LDLRAD4: variants seen among roughly 807,000 people sequenced by gnomAD.
LDLRAD4 encodes the protein low density lipoprotein receptor class A domain containing 4.
A neutral mutation model predicts 17.0 loss-of-function variants in LDLRAD4; 5 were observed. The observed-to-expected ratio is 0.29, with a 90% CI of 0.15 to 0.62. The LOEUF is 0.62. Among genes scored for constraint, LDLRAD4 ranks in the 20% least tolerant of loss-of-function variants. The probability of loss-of-function intolerance (pLI) is 0.84; values close to 1 mark genes in which losing one functional copy is unlikely to be tolerated. For synonymous variants in LDLRAD4, 168 were observed against 171.8 expected (o/e 0.98, Z 0.17); for missense variants, 340 against 424.7 (o/e 0.80, Z 1.75).
chr18:13,642,033 C>T (rs903353462), intron 4 of LDLRAD4: 17 of 985,140 alleles, frequency 1.7e-5, no homozygotes, highest in South Asian at 4.7e-5. Context: ...TGGCGCCGGA[C>T]CCCCGCCCTC....
intron 5 of LDLRAD4, 141 bp from the exon 7 acceptor site, chr18:13,644,986 C>A: frequency 1.5e-6 from 1 of 670,128 alleles, no homozygotes; most frequent in Non-Finnish European, 2.3e-6. Context: ...TTGGATTTTC[C>A]TGTTTTCTTT....
intron 3 of LDLRAD4, among the ~76,000 whole-genome samples, chr18:13,511,457 A>G (rs191235381): frequency 1.3e-5 from 2 of 152,322 alleles, no homozygotes; most frequent in East Asian, 3.8e-4. Context: ...GGTTGTAGTG[A>G]GCCGAGATCG....
chr18:13,493,564 T>C (rs2093401494), intron 3 of LDLRAD4, among the ~76,000 whole-genome samples: 1 of 152,248 alleles, frequency 6.6e-6, no homozygotes, highest in Non-Finnish European at 1.5e-5. Context: ...ATGCTGTTCT[T>C]AGCTGGTCAT....
chr18:13,350,108 T>C (rs2082953405), intron 1 of LDLRAD4, among the ~76,000 whole-genome samples: 1 of 152,230 alleles, frequency 6.6e-6, no homozygotes, highest in Non-Finnish European at 1.5e-5. Context: ...CATGTGTCTT[T>C]ATAGTAGGAT....
chr18:13,345,533 C>G (rs1256510672), intron 1 of LDLRAD4, among the ~76,000 whole-genome samples: 1 of 152,168 alleles, frequency 6.6e-6, no homozygotes, highest in Admixed American at 6.5e-5. Context: ...GGATATTGGT[C>G]TAAAATTCTC....
chr18:13,283,144 G>A (rs1332475393), intron 1 of LDLRAD4, among the ~76,000 whole-genome samples: 2 of 152,234 alleles, frequency 1.3e-5, no homozygotes, highest in Non-Finnish European at 2.9e-5. Flanking sequence ...CTCTGGGCCT[G>A]TGATGGGAGG....
chr18:13,433,230 A>G (rs904765790), intron 2 of LDLRAD4, among the ~76,000 whole-genome samples: 1 of 152,236 alleles, frequency 6.6e-6, no homozygotes, highest in Admixed American at 6.5e-5. Context: ...ATGTAAGTAC[A>G]TGGAAAAGGC....
At position 13,300,250 on chromosome 18, in the gene LDLRAD4, C is replaced by T. The variant is rs56359994; in HGVS notation, c.-383+22062C>T. 0.21 allele frequency among the ~76,000 whole-genome samples: 32,627 copies of T among 152,146 alleles called. 3,758 individuals are homozygous for T. The highest frequency in any genetic ancestry group is 0.34 in the Middle Eastern group (99 of 294). On this transcript the variant is annotated intron_variant, in intron 1 of 5. Coordinates refer to ENST00000359446, the Ensembl canonical transcript of LDLRAD4. The surrounding 1 kb of genome is among the most constrained non-coding windows in gnomAD (Gnocchi z 4.2). ...TCCAGGCACAGCAGAGAGCCAGGCC[C>T]GCAGAGGGGGCCGGCAGCCTCTTCC...
In LDLRAD4 at chr18:13,525,828, A is replaced by T. The variant is rs546194884; in HGVS notation, c.181+87444A>T. On this transcript the variant is annotated intron_variant, in intron 3 of 5. Transcript: ENST00000359446. The stretch of plus-strand genomic sequence containing the variant: ...CACTCTAGGGGGCGGAATGACCAGG[A>T]GGAACGGTTCTTCTCCCACCTGTAC... 6.6e-5 allele frequency among the ~76,000 whole-genome samples: 10 copies of T among 152,344 alleles called. No individual in the cohort carries two copies. In the East Asian group the frequency reaches 1.2e-3, roughly 18 times the overall value.
intron 3 of LDLRAD4, among the ~76,000 whole-genome samples, chr18:13,482,189 G>A (rs1437674874): frequency 6.6e-6 from 1 of 152,162 alleles, no homozygotes; most frequent in Non-Finnish European, 1.5e-5. Flanking sequence ...CAGTGCCTGG[G>A]GGCATATCAG....
At chr18:13,494,582 G>A (rs1490655515) in intron 3 of LDLRAD4, among the ~76,000 whole-genome samples, 1 of 137,522 alleles carries the variant, frequency 7.3e-6, no homozygotes, top group Non-Finnish European at 1.6e-5. Flanking sequence ...GAAAGCTGAG[G>A]TGGGAGGATC....
At chr18:13,411,856 T>C (rs531373032) in intron 2 of LDLRAD4, among the ~76,000 whole-genome samples, 32 of 152,290 alleles carry the variant, frequency 2.1e-4, no homozygotes, top group Middle Eastern at 6.8e-3. Context: ...CTTTTTTGTT[T>C]CTTTGAGACA....
In LDLRAD4 at chr18:13,344,324, A is replaced by G. The variant is rs566074322; in HGVS notation, c.-382-43017A>G. ...ATGGCTAGCCAGTTTTCCCAGCACC[A>G]TTTATTAAATAGGGAATCCTTTCCC... On this transcript the variant is annotated intron_variant, in intron 1 of 5. Coordinates refer to ENST00000359446, the Ensembl canonical transcript of LDLRAD4. 7.2e-5 allele frequency among the ~76,000 whole-genome samples: 11 copies of G among 152,302 alleles called. No homozygotes were observed. The East Asian group carries it at 2.1e-3, about 29-fold the overall frequency.
intron 4 of LDLRAD4, among the ~76,000 whole-genome samples, chr18:13,623,638 G>C (rs901512067): frequency 6.6e-6 from 1 of 152,218 alleles, no homozygotes; most frequent in Admixed American, 6.5e-5. Flanking sequence ...TCCACTTCCC[G>C]ATCTGGTGTA....
chr18:13,546,820 G>A (rs1382907706), intron 3 of LDLRAD4, among the ~76,000 whole-genome samples: 2 of 152,190 alleles, frequency 1.3e-5, no homozygotes, highest in Non-Finnish European at 2.9e-5. Flanking sequence ...TGAGGGGCTT[G>A]CCAGATGATG....
chr18:13,399,287 G>A (rs1449917086), intron 2 of LDLRAD4, among the ~76,000 whole-genome samples: 2 of 152,186 alleles, frequency 1.3e-5, no homozygotes, highest in African/African-American at 4.8e-5. Context: ...ACATGTGCAT[G>A]TTCCTGGGCT....
At chr18:13,454,294 T>C (rs1014964585) in intron 3 of LDLRAD4, among the ~76,000 whole-genome samples, 2 of 152,210 alleles carry the variant, frequency 1.3e-5, no homozygotes, top group Non-Finnish European at 2.9e-5. Context: ...TTCTGAGCAC[T>C]AGAAAGGGGT....
chr18:13,415,085 AGTGTGGTCCATGCCT>A (rs1366531104), intron 2 of LDLRAD4, among the ~76,000 whole-genome samples: 1 of 152,200 alleles, frequency 6.6e-6, no homozygotes, highest in African/African-American at 2.4e-5. Flanking sequence ...TGGGCTGGGC[AGTGTGGTCCATGCCT>A]GTAATCTCAG....
chr18:13,309,958 T>C (rs887174244), intron 1 of LDLRAD4, among the ~76,000 whole-genome samples: 1 of 152,144 alleles, frequency 6.6e-6, no homozygotes, highest in African/African-American at 2.4e-5. Context: ...TTAACAATGC[T>C]TCAGGACAGA....
Sources: allele counts gnomAD v4.1 joint callset (sites outside exome capture counted in the v4.1 genomes callset), GRCh38; gene constraint gnomAD v4.1.1; non-coding constraint Gnocchi (gnomAD v3.1); transcripts MANE v1.5; gene names NCBI Gene and HGNC (gene_info 2026-07-23, HGNC 2026-07-21).